Variants in NPPC observed in about 807,000 individuals in gnomAD.
NPPC encodes C-type natriuretic peptide.
NPPC carries 4 observed loss-of-function variants against 10.2 expected under a neutral mutation model. The observed-to-expected ratio is 0.39, with a 90% CI of 0.19 to 0.90. The LOEUF (loss-of-function observed/expected upper bound fraction) is 0.90. Among genes scored for constraint, NPPC ranks in the 40% least tolerant of loss-of-function variants. NPPC has a pLI of 0.37. For missense variants in NPPC, 182 were observed against 173.8 expected, an observed-to-expected ratio of 1.05 and a Z score of -0.26; for synonymous variants, 83 against 87.3, an observed-to-expected ratio of 0.95 and a Z score of 0.27.
chr2:231,925,364 C>CG, intron 2 of NPPC, 41 bp downstream of exon 2: 1 of 1,443,246 alleles, frequency 6.9e-7, no homozygotes, highest in South Asian at 1.5e-5. Flanking sequence ...CGGGCGGTCC[C>CG]GGGCCGGGCT....
intron 1 of NPPC, 107 bp downstream of exon 1, chr2:231,926,053 A>G (rs1692003028): frequency 3.3e-6 from 3 of 909,940 alleles, no homozygotes; most frequent in African/African-American, 3.5e-5. Context: ...ATCTCGGAGG[A>G]GACAGCCGCC....
At chr2:231,924,521 T>C (rs1355985289) in intron 2 of NPPC, among the ~76,000 whole-genome samples, 1 of 152,098 alleles carries the variant, frequency 6.6e-6, no homozygotes, top group Non-Finnish European at 1.5e-5. Context: ...CACATGACTG[T>C]CAATGTCAGA....
At chr2:231,923,513 T>C (rs1559474859) in intron 2 of NPPC, among the ~76,000 whole-genome samples, 1 of 152,216 alleles carries the variant, frequency 6.6e-6, no homozygotes, top group Non-Finnish European at 1.5e-5. Flanking sequence ...TCACTGGGAA[T>C]GGGGGGCAGT....
intron 2 of NPPC, among the ~76,000 whole-genome samples, chr2:231,924,636 C>G (rs1691973673): frequency 1.3e-5 from 2 of 152,040 alleles, no homozygotes; most frequent in South Asian, 2.1e-4. Context: ...CACGCGGCAC[C>G]CGGCAGGGGG....
chr2:231,925,332 C>T (rs945027919), intron 2 of NPPC, 73 bp downstream of exon 2: 7 of 1,299,388 alleles, frequency 5.4e-6, no homozygotes, highest in Non-Finnish European at 7.0e-6. Flanking sequence ...GGCTCGCGCG[C>T]CTCCGAAGGC....
Position 231,926,282 on chromosome 2 carries a change from G to C in NPPC, c.-33C>G, listed in dbSNP as rs1330945380. 3.2e-6 allele frequency: 4 copies of C among 1,257,402 alleles called. No individual in the cohort carries two copies. The highest frequency in any genetic ancestry group is 4.0e-6 in the Non-Finnish European group (4 of 995,846). The allele number at this position is 1,257,402 out of a possible 1,614,324, so 77.9% of individuals were successfully genotyped here. A position where few individuals can be genotyped will look rare whatever the true frequency, so the allele number is the denominator to read the frequency against. ...CTGGGGTCGAGGGGCGCACACGGGCGGCAGCGAGGGCGCGCAGGTCGGCGG... is the reference window on the plus strand; with the variant it reads ...CTGGGGTCGAGGGGCGCACACGGGCCGCAGCGAGGGCGCGCAGGTCGGCGG... On this transcript the variant is annotated 5_prime_UTR_variant, in exon 1 of 3. Coordinates refer to ENST00000409852, the MANE Select transcript of NPPC (RefSeq NM_024409.4).
In NPPC at chr2:231,925,582, A is replaced by C; in HGVS notation, c.224T>G (p.Leu75Arg). The change falls in exon 2 of 3, where the codon CTG becomes CGG. Residue 75 changes from leucine (L) to arginine (R), a missense_variant. By Grantham distance (102) the Leu-to-Arg change is moderately radical (BLOSUM62 -2). Transcript: ENST00000409852. ...KGDRSRLLRD[L>R]RVDTKSRAAW... ...TGCCCGCGACTTGGTGTCCACGCGC[A>C]GGTCCCGGAGCAGTCGCGACCGGTC... The C allele has an allele frequency of 1.2e-6, 2 of 1,612,200 alleles. No homozygotes were observed. Among genetic ancestry groups the C allele is most frequent in the Non-Finnish European group, 8.5e-7 (1 of 1,179,556 alleles).
rs1692002570 is a variant in NPPC, at chr2:231,926,020, C to T, written c.90+140G>A. ...GACCCCCGAATCCGCGCTTCGAGGG[C>T]TCCCCGGCTCTCGCCCACGCGCATC... On this transcript the variant is annotated intron_variant, in intron 1 of 2. Transcript: ENST00000409852. 3 of 702,102 alleles carry T rather than the reference C, an allele frequency of 4.3e-6. No homozygotes were observed. The African/African-American group carries it at 5.6e-5, about 13-fold the overall frequency. The allele number at this position is 702,102 out of a possible 1,614,324, so 43.5% of individuals were successfully genotyped here.
At chr2:231,923,900 G>A (rs1015538725) in intron 2 of NPPC, among the ~76,000 whole-genome samples, 1 of 152,242 alleles carries the variant, frequency 6.6e-6, no homozygotes, top group Non-Finnish European at 1.5e-5. Context: ...AAATCAAACT[G>A]AAAATTTGAG....
chr2:231,923,255 G>C (rs550449588), intron 2 of NPPC, among the ~76,000 whole-genome samples: 1 of 152,338 alleles, frequency 6.6e-6, no homozygotes, highest in South Asian at 2.1e-4. Context: ...GGCCCCAGGG[G>C]CAAAGTGTTC....
intron 2 of NPPC, 63 bp downstream of exon 2, chr2:231,925,342 C>G: frequency 7.4e-7 from 1 of 1,356,478 alleles, no homozygotes; most frequent in South Asian, 1.7e-5. Flanking sequence ...CCTCCGAAGG[C>G]CGGCTGGGCG....
chr2:231,921,858 C>A lies in NPPC; in HGVS notation c.*478G>T, dbSNP rs1424845649. The A allele has an allele frequency of 6.7e-6, 1 of 149,960 alleles. No individual in the cohort carries two copies. Among genetic ancestry groups the A allele is most frequent in the African/African-American group, 2.5e-5 (1 of 40,678 alleles). 9.3% of individuals were successfully genotyped at this position (149,960 alleles called of 1,614,324 possible). ...TTTTTTTTTTTTACATTTTTTTTAA[C>A]TAGTTAGGACAAAAACATTACAATG... On this transcript the variant is annotated 3_prime_UTR_variant, in exon 3 of 3. Coordinates refer to ENST00000409852, the MANE Select transcript of NPPC (RefSeq NM_024409.4).
Position 231,925,634 on chromosome 2 carries a change from C to A in NPPC, c.172G>T (p.Gly58Trp), listed in dbSNP as rs13305993. Residue 58 changes from glycine (G) to tryptophan (W), a missense_variant, in exon 2 of 3, where the codon GGG becomes TGG. Gly to Trp is a radical substitution (Grantham distance 184). Coordinates refer to ENST00000409852, the MANE Select transcript of NPPC (RefSeq NM_024409.4). ...GGQKKGDKAP[G>W]GGGANLKGDR... Reference sequence around the variant, plus strand: ...CCCTTGAGATTGGCGCCCCCGCCCCCGGGAGCCTTGTCGCCCTTCTTCTGA... The same window carrying A: ...CCCTTGAGATTGGCGCCCCCGCCCCAGGGAGCCTTGTCGCCCTTCTTCTGA... 2 of 1,607,264 alleles carry A rather than the reference C, an allele frequency of 1.2e-6. No individual in the cohort carries two copies. The highest frequency in any genetic ancestry group is 1.3e-5 in the African/African-American group (1 of 74,726).
rs138975043 is a variant in NPPC, at chr2:231,925,509, T to C, written c.297A>G (p.Lys99=). ...LQEHPNARKY[K]GANKKGLSKG... The stretch of plus-strand genomic sequence containing the variant: ...TGGACAAGCCCTTCTTGTTGGCTCC[T>C]TTGTATTTGCGCGCGTTGGGGTGCT... The change falls in exon 2 of 3, where the codon AAA becomes AAG. Residue 99 remains lysine (K), a synonymous_variant. Coordinates refer to ENST00000409852, the MANE Select transcript of NPPC (RefSeq NM_024409.4). 6.2e-7 allele frequency: 1 copy of C among 1,612,948 alleles called. No homozygotes were observed. The highest frequency in any genetic ancestry group is 8.5e-7 in the Non-Finnish European group (1 of 1,179,700).
rs536011588 is a variant in NPPC, at chr2:231,926,333, A to C, written c.-84T>G. ...GCAGACCAGCAGGGGGATGCGGAGC[A>C]GGCTGGCTGGGCTGCAGGGCGAGCA... On this transcript the variant is annotated 5_prime_UTR_variant, in exon 1 of 3. Coordinates refer to ENST00000409852, the MANE Select transcript of NPPC (RefSeq NM_024409.4). 9 of 941,820 alleles carry C rather than the reference A, an allele frequency of 9.6e-6. No individual in the cohort carries two copies. Among genetic ancestry groups the C allele is most frequent in the Middle Eastern group, 7.3e-4 (2 of 2,734 alleles). The allele number at this position is 941,820 out of a possible 1,614,324, so 58.3% of individuals were successfully genotyped here.
chr2:231,925,130 G>A (rs1691983589), intron 2 of NPPC, among the ~76,000 whole-genome samples: 1 of 152,220 alleles, frequency 6.6e-6, no homozygotes, highest in East Asian at 1.9e-4. Flanking sequence ...TTCAGCTACG[G>A]TTCAGGGGTG....
At chr2:231,923,392 C>T (rs1307542868) in intron 2 of NPPC, among the ~76,000 whole-genome samples, 4 of 152,224 alleles carry the variant, frequency 2.6e-5, no homozygotes, top group Non-Finnish European at 5.9e-5. Context: ...ACAGCCACAA[C>T]CTCAAAGAGT....
At position 231,921,860 on chromosome 2, in the gene NPPC, A is replaced by G. The variant is rs975304985; in HGVS notation, c.*476T>C. 2.0e-5 allele frequency: 3 copies of G among 151,848 alleles called. No individual in the cohort carries two copies. Among genetic ancestry groups the G allele is most frequent in the Admixed American group, 6.6e-5 (1 of 15,266 alleles). 9.4% of individuals were successfully genotyped at this position (151,848 alleles called of 1,614,324 possible). ...TTTTTTTTTTACATTTTTTTTAACT[A>G]GTTAGGACAAAAACATTACAATGAT... On this transcript the variant is annotated 3_prime_UTR_variant, in exon 3 of 3. Transcript: ENST00000409852.
rs1399480393 is a variant in NPPC at position 231,925,457 on chromosome 2, G to T, written c.349C>A (p.Arg117=). ...SKGCFGLKLD[R]IGSMSGLGC Reference sequence around the variant, plus strand: ...CCCAGGCCGCTCATGGAGCCGATTCGGTCCAGCTTGAGGCCGAAGCAGCCC... The same window carrying T: ...CCCAGGCCGCTCATGGAGCCGATTCTGTCCAGCTTGAGGCCGAAGCAGCCC... Residue 117 remains arginine, a synonymous_variant, in exon 2 of 3, where the codon CGA becomes AGA. Transcript: ENST00000409852. 5 of 1,610,738 alleles carry T rather than the reference G, an allele frequency of 3.1e-6. No individual in the cohort carries two copies. The East Asian group carries it at 6.7e-5, about 22-fold the overall frequency.
Sources: gnomAD v4.1 joint callset for allele counts (sites outside exome capture counted in the v4.1 genomes callset) on GRCh38, gnomAD v4.1.1 for gene constraint, MANE v1.5 for transcripts, NCBI Gene and HGNC (gene_info 2026-07-23, HGNC 2026-07-21) for gene names.